NUP93: variants seen among roughly 807,000 people sequenced by gnomAD.
NUP93 encodes the protein nuclear pore complex protein Nup93.
NUP93 carries 55 observed loss-of-function variants against 107.8 expected under a neutral mutation model. The observed-to-expected ratio is 0.51, with a 90% confidence interval of 0.41 to 0.64. NUP93 has a LOEUF of 0.64. NUP93 is among the 30% of genes least tolerant of loss of function. NUP93 has a pLI of 0.00. For missense variants in NUP93, 937 were observed against 1,044.7 expected, an observed-to-expected ratio of 0.90 and a Z score of 1.42; for synonymous variants, 390 against 397.5, an observed-to-expected ratio of 0.98 and a Z score of 0.22.
chr16:56,764,885 A>C (rs1354238667), intron 3 of NUP93, among the ~76,000 whole-genome samples: 2 of 152,246 alleles, frequency 1.3e-5, no homozygotes, highest in African/African-American at 4.8e-5. Context: ...AAAGAAATGC[A>C]GTTGTCATTT....
intron 3 of NUP93, among the ~76,000 whole-genome samples, chr16:56,759,974 C>T (rs1014433756): frequency 1.3e-5 from 2 of 152,196 alleles, no homozygotes; most frequent in African/African-American, 4.8e-5. Context: ...TCATGCATTT[C>T]GAGTGATGTG....
chr16:56,812,429 C>T (rs1331183654), intron 5 of NUP93, among the ~76,000 whole-genome samples: 2 of 151,970 alleles, frequency 1.3e-5, no homozygotes, highest in African/African-American at 4.8e-5. Flanking sequence ...CTGCAAGCTC[C>T]GCCTCCCGGG....
intron 1 of NUP93, among the ~76,000 whole-genome samples, chr16:56,731,950 C>T (rs1287424621): frequency 6.6e-6 from 1 of 152,078 alleles, no homozygotes; most frequent in East Asian, 1.9e-4. Context: ...ATAGACAAAC[C>T]CCTTTACAGT....
At chr16:56,761,248 C>G (rs1367263964) in intron 3 of NUP93, among the ~76,000 whole-genome samples, 2 of 152,192 alleles carry the variant, frequency 1.3e-5, no homozygotes, top group African/African-American at 4.8e-5. Context: ...TTGTGTGGCT[C>G]AGTTGACCTG....
chr16:56,770,362 ATCT>A (rs1363513826), intron 3 of NUP93, among the ~76,000 whole-genome samples: 1 of 152,154 alleles, frequency 6.6e-6, no homozygotes, highest in South Asian at 2.1e-4. Context: ...AACTTTCACC[ATCT>A]TCTTTCACAG....
chr16:56,829,895 T>C (rs1029934432), intron 9 of NUP93, among the ~76,000 whole-genome samples: 2 of 152,200 alleles, frequency 1.3e-5, no homozygotes, highest in Non-Finnish European at 1.5e-5. Flanking sequence ...ATAGGAGGCC[T>C]GAAGTCTACT....
At chr16:56,776,031 G>T (rs1716743390) in intron 3 of NUP93, among the ~76,000 whole-genome samples, 1 of 148,940 alleles carries the variant, frequency 6.7e-6, no homozygotes, top group South Asian at 2.1e-4. Context: ...TTATATCCTT[G>T]CATATACTTT....
intron 9 of NUP93, 50 bp from the exon 10 acceptor site, chr16:56,830,478 C>T (rs747260569): frequency 6.7e-7 from 1 of 1,493,356 alleles, no homozygotes; most frequent in Non-Finnish European, 9.0e-7. Context: ...CATATGAAAG[C>T]AGTCAGCCTT....
chr16:56,777,397 A>G (rs1962434835), intron 3 of NUP93, among the ~76,000 whole-genome samples: 1 of 152,168 alleles, frequency 6.6e-6, no homozygotes, highest in Non-Finnish European at 1.5e-5. Flanking sequence ...GGGAAAGCTT[A>G]CTTTTCCCTG....
At chr16:56,832,420 C>G in intron 12 of NUP93, 32 bp downstream of exon 12, 8 of 1,537,602 alleles carry the variant, frequency 5.2e-6, no homozygotes, top group Non-Finnish European at 6.3e-6. Context: ...CCTTTCCCTT[C>G]TCTTGTCCAC....
At chr16:56,758,313 A>C (rs1962063699) in intron 2 of NUP93, among the ~76,000 whole-genome samples, 2 of 152,202 alleles carry the variant, frequency 1.3e-5, no homozygotes, top group African/African-American at 4.8e-5. Flanking sequence ...AAATTCAGGC[A>C]TGATTAGAAC....
intron 20 of NUP93, among the ~76,000 whole-genome samples, chr16:56,840,865 C>T (rs145069176): frequency 2.6e-4 from 39 of 152,222 alleles, no homozygotes; most frequent in African/African-American, 7.9e-4. Flanking sequence ...GGCGTGGTGA[C>T]GCATACCTGT....
chr16:56,832,195 A>G, intron 11 of NUP93, 100 bp from the exon 12 acceptor site: 1 of 1,264,052 alleles, frequency 7.9e-7, no homozygotes, highest in Admixed American at 1.7e-5. Flanking sequence ...CACAGCTTCT[A>G]GCTGACATCA....
intron 1 of NUP93, among the ~76,000 whole-genome samples, chr16:56,747,330 GT>G (rs2144454565): frequency 6.6e-6 from 1 of 152,302 alleles, no homozygotes; most frequent in African/African-American, 2.4e-5. Flanking sequence ...TTTATTTTCT[GT>G]TGATTTAATT....
Position 56,808,623 on chromosome 16 carries a change from T to A in NUP93, c.489+2991T>A, listed in dbSNP as rs538008053. On this transcript the variant is annotated intron_variant, in intron 5 of 21. Coordinates refer to ENST00000308159, the MANE Select transcript of NUP93 (RefSeq NM_014669.5). Reference sequence around the variant, plus strand: ...ATACATTTATATAAATATTTATAAATATATAAATACATTTATATAAATATA... The same window carrying A: ...ATACATTTATATAAATATTTATAAAAATATAAATACATTTATATAAATATA... Among the ~76,000 whole-genome samples, 96 of 135,030 alleles carry A rather than the reference T, an allele frequency of 7.1e-4. No homozygotes were observed. The East Asian group carries it at 0.02, about 28-fold the overall frequency. The allele number at this position is 135,030 out of a possible 152,430, so 88.6% of individuals were successfully genotyped here.
At chr16:56,763,666 T>C (rs1962168723) in intron 3 of NUP93, among the ~76,000 whole-genome samples, 1 of 152,170 alleles carries the variant, frequency 6.6e-6, no homozygotes, top group South Asian at 2.1e-4. Context: ...ATATCACCTC[T>C]TCCACAGTCT....
chr16:56,823,971 T>C lies in NUP93; in HGVS notation c.794+125T>C, dbSNP rs190184415. The C allele has an allele frequency of 8.1e-6, 10 of 1,228,344 alleles. No individual in the cohort carries two copies. The Admixed American group carries it at 2.3e-4, about 29-fold the overall frequency. The allele number at this position is 1,228,344 out of a possible 1,614,324, so 76.1% of individuals were successfully genotyped here. On this transcript the variant is annotated intron_variant, in intron 8 of 21. Coordinates refer to ENST00000308159, the MANE Select transcript of NUP93 (RefSeq NM_014669.5). ...TAATTTAAGATTTATTATGTTAAAT[T>C]GAACAAGGTTCAGAGTTGTAATCCT...
chr16:56,841,022 T>C (rs1180604869), intron 20 of NUP93, among the ~76,000 whole-genome samples: 1 of 152,010 alleles, frequency 6.6e-6, no homozygotes, highest in Non-Finnish European at 1.5e-5. Context: ...AAGTTTCTAT[T>C]TTAGAGAAAG....
chr16:56,730,950 C>T (rs1567369050), intron 1 of NUP93, among the ~76,000 whole-genome samples: 2 of 152,088 alleles, frequency 1.3e-5, no homozygotes, highest in South Asian at 4.2e-4. Flanking sequence ...TTATTTTGAC[C>T]GAGTTGTCTT....
Sources: gnomAD v4.1 joint callset for allele counts (sites outside exome capture counted in the v4.1 genomes callset) on GRCh38, gnomAD v4.1.1 for gene constraint, MANE v1.5 for transcripts, NCBI Gene and HGNC (gene_info 2026-07-23, HGNC 2026-07-21) for gene names.